The following DGLUCY variants were observed in gnomAD, a reference collection of about 807,000 sequenced individuals.
DGLUCY encodes the protein D-glutamate cyclase, mitochondrial.
In DGLUCY, 58 loss-of-function variants were observed where a neutral mutation model predicts 58.5. The ratio of observed to expected loss-of-function variants is 0.99; its 90% CI spans 0.80 to 1.23. The LOEUF (loss-of-function observed/expected upper bound fraction) is 1.23. Ranked by LOEUF, DGLUCY falls within the 50% of genes most tolerant of loss-of-function variation. The pLI is 0.00. For synonymous variants in DGLUCY, 325 were observed against 314.1 expected (o/e 1.03, Z -0.37); for missense variants, 779 against 784.7 (o/e 0.99, Z 0.09).
chr14:91,131,449 GT>G (rs1455749801), intron 1 of DGLUCY, among the ~76,000 whole-genome samples: 1 of 151,414 alleles, frequency 6.6e-6, no homozygotes, highest in African/African-American at 2.4e-5. Flanking sequence ...TACTGATATA[GT>G]TGGTTATAAG....
At position 91,067,815 on chromosome 14, in the gene DGLUCY, G is replaced by A. The variant is rs1051268527; in HGVS notation, c.-82+7111G>A. Among the ~76,000 whole-genome samples the A allele has an allele frequency of 2.6e-5, 4 of 152,252 alleles. No homozygotes were observed. The East Asian group carries it at 5.8e-4, about 22-fold the overall frequency. ...TCCACCCACCTCGGCCTCCCAAAAT[G>A]CTGGGATTACAGGCCTGAGCCACTG... is the stretch of plus-strand genomic sequence containing the variant. On this transcript the variant is annotated intron_variant, in intron 1 of 4. Transcript: ENST00000521334.
chr14:91,121,043 T>C (rs2045328432), intron 1 of DGLUCY, among the ~76,000 whole-genome samples: 4 of 152,058 alleles, frequency 2.6e-5, no homozygotes, highest in Non-Finnish European at 4.4e-5. Flanking sequence ...TCCCAGCCCC[T>C]CTCCCTCTTT....
intron 12 of DGLUCY, among the ~76,000 whole-genome samples, chr14:91,211,044 G>A (rs182208766): frequency 6.6e-6 from 1 of 152,076 alleles, no homozygotes; most frequent in Non-Finnish European, 1.5e-5. Context: ...TACTTTAATT[G>A]TATATGTCAG....
At chr14:91,190,074 G>A (rs374062339) in intron 9 of DGLUCY, among the ~76,000 whole-genome samples, 3 of 136,578 alleles carry the variant, frequency 2.2e-5, no homozygotes, top group South Asian at 2.5e-4. Context: ...TGCAAGCTCC[G>A]CCTCCCGGGT....
chr14:91,185,271 ATTTTTTTTTTTTTTT>A (rs35639010), intron 8 of DGLUCY, among the ~76,000 whole-genome samples: 4 of 38,344 alleles, frequency 1.0e-4, no homozygotes, highest in Non-Finnish European at 1.9e-4. Context: ...GCCCAGCCGG[ATTTTTTTTTTTTTTT>A]TTTTTTTTTT....
intron 1 of DGLUCY, among the ~76,000 whole-genome samples, chr14:91,094,478 C>T (rs1454750383): frequency 6.6e-6 from 1 of 151,356 alleles, no homozygotes; most frequent in Non-Finnish European, 1.5e-5. Flanking sequence ...AACAGGATCC[C>T]AGAGGCAGAG....
intron 1 of DGLUCY, among the ~76,000 whole-genome samples, chr14:91,139,580 G>A (rs1362108595): frequency 6.6e-6 from 1 of 152,226 alleles, no homozygotes; most frequent in Non-Finnish European, 1.5e-5. Context: ...AGCTACTTGG[G>A]AGGCTGAGGC....
intron 1 of DGLUCY, among the ~76,000 whole-genome samples, chr14:91,101,012 A>G (rs936044131): frequency 1.3e-5 from 2 of 152,112 alleles, no homozygotes; most frequent in Admixed American, 6.6e-5. Flanking sequence ...CAGAGGTTGC[A>G]GTGAGCCGAG....
At chr14:91,149,247 C>CA (rs530717496) in intron 1 of DGLUCY, among the ~76,000 whole-genome samples, 3,650 of 113,786 alleles carry the variant, frequency 0.032, 93 homozygotes, top group African/African-American at 0.085. Context: ...AACTCTATCT[C>CA]AAAAAAAAAA....
intron 1 of DGLUCY, among the ~76,000 whole-genome samples, chr14:91,157,063 G>GTGGA (rs146037809): frequency 0.16 from 23,153 of 148,902 alleles, 1,738 homozygotes; most frequent in African/African-American, 0.17. Flanking sequence ...GGGTGAGTGG[G>GTGGA]TGGATGGATG....
Position 91,189,045 on chromosome 14 carries a change from A to G in DGLUCY, c.1070A>G (p.Asp357Gly), listed in dbSNP as rs1306145715. The change falls in exon 9 of 14, where the codon GAT becomes GGT. Residue 357 changes from aspartate (D) to glycine (G), a missense_variant. Transcript: ENST00000256324. ...HFNHEPPEETDGPPGAVALVA... is the reference protein window; with the variant it reads ...HFNHEPPEETGGPPGAVALVA... The stretch of plus-strand genomic sequence containing the variant: ...AATCATGAGCCTCCAGAAGAGACAG[A>G]TGGCCCACCAGGAGCTGTTGCTCTG... 6.2e-7 allele frequency: 1 copy of G among 1,614,174 alleles called. No individual in the cohort carries two copies. Among genetic ancestry groups the G allele is most frequent in the Non-Finnish European group, 8.5e-7 (1 of 1,180,036 alleles).
intron 4 of DGLUCY, chr14:91,167,788 G>T (rs2048366815): frequency 6.3e-6 from 4 of 636,294 alleles, no homozygotes; most frequent in Non-Finnish European, 1.1e-5. Flanking sequence ...CTAGTAAATG[G>T]CCCTACTGAT....
intron 9 of DGLUCY, among the ~76,000 whole-genome samples, chr14:91,192,573 C>T (rs1237726537): frequency 6.6e-6 from 1 of 152,020 alleles, no homozygotes; most frequent in Non-Finnish European, 1.5e-5. Flanking sequence ...AGTTCAAGAC[C>T]AGCCTGTCCA....
intron 1 of DGLUCY, among the ~76,000 whole-genome samples, chr14:91,123,886 T>G (rs1275408161): frequency 6.6e-6 from 1 of 151,688 alleles, no homozygotes; most frequent in African/African-American, 2.4e-5. Flanking sequence ...CCTGTTTTTT[T>G]CAATGTTTTA....
upstream of DGLUCY, among the ~76,000 whole-genome samples, chr14:91,106,466 G>C (rs1304430069): frequency 6.6e-6 from 1 of 151,976 alleles, no homozygotes; most frequent in Non-Finnish European, 1.5e-5. Flanking sequence ...CAGCCCTTTG[G>C]GAGGCCGAGG....
At chr14:91,172,133 C>T (rs1448170346) in intron 5 of DGLUCY, among the ~76,000 whole-genome samples, 1 of 152,146 alleles carries the variant, frequency 6.6e-6, no homozygotes, top group Non-Finnish European at 1.5e-5. Context: ...TGCAGTGGCA[C>T]AGTCACAGCT....
At chr14:91,135,647 C>T (rs2046282504) in intron 1 of DGLUCY, among the ~76,000 whole-genome samples, 1 of 105,134 alleles carries the variant, frequency 9.5e-6, no homozygotes, top group Non-Finnish European at 1.8e-5. Flanking sequence ...TGAAACTCTG[C>T]CTCATTAAAA....
chr14:91,157,115 A>ATGGG lies in DGLUCY; in HGVS notation c.-81-520_-81-517dup, dbSNP rs1325208253. Among the ~76,000 whole-genome samples, 245 of 102,240 alleles carry ATGGG rather than the reference A, an allele frequency of 2.4e-3. 1 individual carries two copies. The East Asian group carries it at 0.032, about 13-fold the overall frequency. 67.1% of individuals were successfully genotyped at this position (102,240 alleles called of 152,430 possible). A position where few individuals can be genotyped will look rare whatever the true frequency, so the allele number is the denominator to read the frequency against. On this transcript the variant is annotated intron_variant, in intron 1 of 13. Coordinates refer to ENST00000256324, the MANE Select transcript of DGLUCY (RefSeq NM_001102368.3). The stretch of plus-strand genomic sequence containing the variant: ...GATGAATGGGTGGATGGATGGATGG[A>ATGGG]TGGGTGGATGGATGGATGGATGGAT...
At chr14:91,119,498 G>C (rs1448720363) in intron 1 of DGLUCY, among the ~76,000 whole-genome samples, 1 of 152,062 alleles carries the variant, frequency 6.6e-6, no homozygotes, top group East Asian at 1.9e-4. Context: ...CTCTTTCTAA[G>C]TTCCCACCCT....
Sources: gnomAD v4.1 joint callset for allele counts (sites outside exome capture counted in the v4.1 genomes callset) on GRCh38, gnomAD v4.1.1 for gene constraint, MANE v1.5 for transcripts, NCBI Gene and HGNC (gene_info 2026-07-23, HGNC 2026-07-21) for gene names.